FRMD5: variants seen among roughly 807,000 people sequenced by gnomAD.
The protein encoded by FRMD5 is FERM domain-containing protein 5.
A neutral mutation model predicts 69.0 loss-of-function variants in FRMD5; 20 were observed. That is an observed-to-expected ratio of 0.29 (90% CI 0.20 to 0.42). FRMD5 has a LOEUF of 0.42. Ranked by LOEUF, FRMD5 falls within the 10% of genes least tolerant of loss-of-function variation. FRMD5 has a pLI of 1.00. For missense variants in FRMD5, 595 were observed against 708.6 expected (o/e 0.84, Z 1.82); for synonymous variants, 271 against 260.1 (o/e 1.04, Z -0.40).
At chr15:43,940,883 G>A (rs2089850700) in intron 1 of FRMD5, among the ~76,000 whole-genome samples, 1 of 152,072 alleles carries the variant, frequency 6.6e-6, no homozygotes, top group Admixed American at 6.5e-5. Flanking sequence ...TTGGTGAATG[G>A]GTCATTAATA....
At chr15:43,886,511 T>C (rs1457631529) in intron 10 of FRMD5, among the ~76,000 whole-genome samples, 2 of 152,230 alleles carry the variant, frequency 1.3e-5, no homozygotes, top group African/African-American at 4.8e-5. Context: ...ATTAGCTCTC[T>C]CAGCTTGGGC....
At position 44,114,438 on chromosome 15, in the gene FRMD5, C is replaced by T. The variant is rs75990955; in HGVS notation, c.102+80515G>A. Among the ~76,000 whole-genome samples, 838 of 152,014 alleles carry T rather than the reference C, an allele frequency of 5.5e-3. 20 individuals are homozygous for T. The highest frequency in any genetic ancestry group is 0.044 in the Admixed American group (666 of 15,262). ...TAACTGGATCAGCAAGAATAAAAAC[C>T]AGACCTAAACTGACAAGATCTCCAC... On this transcript the variant is annotated intron_variant, in intron 1 of 13. Transcript: ENST00000417257.
rs527743605 is a variant in FRMD5 at position 44,143,223 on chromosome 15, G to GT, written c.102+51729dup. Among the ~76,000 whole-genome samples the GT allele has an allele frequency of 2.6e-4, 39 of 152,306 alleles. 1 individual carries two copies. The South Asian group carries it at 7.7e-3, about 30-fold the overall frequency. On this transcript the variant is annotated intron_variant, in intron 1 of 13. Coordinates refer to ENST00000417257, the MANE Select transcript of FRMD5 (RefSeq NM_032892.5). Reference sequence around the variant, plus strand: ...AATCACAAAGGATGTATCAGACACAGTACACCCTGAACACTGAAACTAGAG... The same window carrying GT: ...AATCACAAAGGATGTATCAGACACAGTTACACCCTGAACACTGAAACTAGAG...
chr15:43,906,805 G>A (rs1213215862), intron 5 of FRMD5, among the ~76,000 whole-genome samples: 1 of 147,632 alleles, frequency 6.8e-6, no homozygotes, highest in African/African-American at 2.7e-5. Context: ...GTTTCACCGT[G>A]TTAGCCAGGA....
At chr15:44,130,124 T>C (rs2077078491) in intron 1 of FRMD5, among the ~76,000 whole-genome samples, 1 of 152,200 alleles carries the variant, frequency 6.6e-6, no homozygotes, top group Non-Finnish European at 1.5e-5. Flanking sequence ...GCACTAATAC[T>C]ATAACCACCC....
chr15:43,922,679 T>C (rs1222048890), intron 2 of FRMD5, among the ~76,000 whole-genome samples: 1 of 151,868 alleles, frequency 6.6e-6, no homozygotes, highest in East Asian at 1.9e-4. Flanking sequence ...TTTTTTTTTT[T>C]TTTTTTTAAA....
intron 1 of FRMD5, among the ~76,000 whole-genome samples, chr15:44,147,915 CAA>C (rs1169839865): frequency 6.6e-6 from 1 of 151,896 alleles, no homozygotes; most frequent in African/African-American, 2.4e-5. Flanking sequence ...CCAGGGTGGG[CAA>C]AAAAAGACTT....
At chr15:44,071,444 C>A (rs552868182) in intron 1 of FRMD5, among the ~76,000 whole-genome samples, 124 of 152,066 alleles carry the variant, frequency 8.2e-4, no homozygotes, top group African/African-American at 2.8e-3. Flanking sequence ...CAAAACAAAA[C>A]AAAACAAAAC....
intron 1 of FRMD5, among the ~76,000 whole-genome samples, chr15:43,962,019 A>G (rs1177301467): frequency 6.6e-6 from 1 of 152,044 alleles, no homozygotes; most frequent in East Asian, 1.9e-4. Context: ...CTCTCTTACC[A>G]CTCCTATTCA....
At chr15:44,176,882 T>C (rs1412116353) in intron 1 of FRMD5, among the ~76,000 whole-genome samples, 1 of 150,594 alleles carries the variant, frequency 6.6e-6, no homozygotes, top group Non-Finnish European at 1.5e-5. Flanking sequence ...CATGTATACA[T>C]AGGTAACTAA....
At chr15:44,194,434 C>A (rs1362528796) in intron 1 of FRMD5, 1 of 187,430 alleles carries the variant, frequency 5.3e-6, no homozygotes, top group African/African-American at 2.4e-5. Flanking sequence ...GCATGGGCTG[C>A]GCGTTCAGTT....
At chr15:44,070,322 A>T (rs1893486989) in intron 1 of FRMD5, among the ~76,000 whole-genome samples, 2 of 151,856 alleles carry the variant, frequency 1.3e-5, no homozygotes, top group African/African-American at 2.4e-5. Context: ...AATAAAAATA[A>T]GAAAAAAAAA....
Position 43,898,750 on chromosome 15 carries a change from C to G in FRMD5, c.639+3425G>C, listed in dbSNP as rs1477414968. ...ATTCTCCTCCTCCAGCAGCTGTAGG[C>G]TTGGGCTGCTGGGGCTCCCGCCAGG... On this transcript the variant is annotated intron_variant, in intron 7 of 13. Coordinates refer to ENST00000417257, the MANE Select transcript of FRMD5 (RefSeq NM_032892.5). Among the ~76,000 whole-genome samples the G allele has an allele frequency of 2.0e-5, 3 of 152,204 alleles. No individual in the cohort carries two copies. In the East Asian group the frequency reaches 5.8e-4, roughly 29 times the overall value.
intron 1 of FRMD5, among the ~76,000 whole-genome samples, chr15:44,048,841 G>A (rs545725936): frequency 6.6e-6 from 1 of 152,088 alleles, no homozygotes; most frequent in Non-Finnish European, 1.5e-5. Context: ...CAAAGTGCTG[G>A]AATTATAGGC....
In FRMD5 at chr15:44,132,046, T is replaced by C. The variant is rs542428420; in HGVS notation, c.102+62907A>G. ...TTTCATACAACTAGATGGTCCCATC[T>C]GGGGGTAATGGGAGACAGTGACACA... On this transcript the variant is annotated intron_variant, in intron 1 of 13. Coordinates refer to ENST00000417257, the MANE Select transcript of FRMD5 (RefSeq NM_032892.5). Among the ~76,000 whole-genome samples the C allele has an allele frequency of 1.4e-3, 219 of 152,236 alleles. 1 individual carries two copies. The highest frequency in any genetic ancestry group is 2.5e-3 in the Non-Finnish European group (173 of 68,018).
chr15:43,973,089 C>A (rs1242032463), intron 1 of FRMD5, among the ~76,000 whole-genome samples: 4 of 151,620 alleles, frequency 2.6e-5, no homozygotes, highest in Non-Finnish European at 5.9e-5. Context: ...GTGGCGCGAT[C>A]TCGGCTCACT....
intron 1 of FRMD5, among the ~76,000 whole-genome samples, chr15:44,002,763 C>T (rs1193312396): frequency 5.3e-5 from 8 of 152,090 alleles, no homozygotes; most frequent in Admixed American, 3.9e-4. Context: ...CAGGGTGCGG[C>T]GCGGGGCTGT....
At chr15:44,047,652 A>G (rs566346436) in intron 1 of FRMD5, among the ~76,000 whole-genome samples, 78 of 152,324 alleles carry the variant, frequency 5.1e-4, no homozygotes, top group African/African-American at 1.8e-3. Flanking sequence ...ACAACAATCT[A>G]ATTTTAGAAT....
intron 1 of FRMD5, among the ~76,000 whole-genome samples, chr15:43,997,339 C>G (rs1889981557): frequency 6.6e-6 from 1 of 152,196 alleles, no homozygotes; most frequent in Admixed American, 6.5e-5. Context: ...CCCAAAGATT[C>G]TACTCTTGAG....
Sources: gnomAD v4.1 joint callset for allele counts (sites outside exome capture counted in the v4.1 genomes callset) on GRCh38, gnomAD v4.1.1 for gene constraint, MANE v1.5 for transcripts, NCBI Gene and HGNC (gene_info 2026-07-23, HGNC 2026-07-21) for gene names.